Variants in RSRC1 observed in about 807,000 individuals in gnomAD.
RSRC1 encodes the protein serine/Arginine-related protein 53.
A neutral mutation model predicts 49.1 loss-of-function variants in RSRC1; 39 were observed. That is an observed-to-expected ratio of 0.79 (90% CI 0.61 to 1.04). RSRC1 has a LOEUF of 1.04. Ranked by LOEUF, RSRC1 falls within the 50% of genes least tolerant of loss-of-function variation. The pLI, the probability that RSRC1 is intolerant of heterozygous loss-of-function variation, is 0.00. For missense variants in RSRC1, 388 were observed against 402.4 expected, an observed-to-expected ratio of 0.96 and a Z score of 0.31; for synonymous variants, 143 against 130.8, an observed-to-expected ratio of 1.09 and a Z score of -0.63.
chr3:158,339,673 G>A (rs1160818275), intron 5 of RSRC1, among the ~76,000 whole-genome samples: 1 of 152,160 alleles, frequency 6.6e-6, no homozygotes, highest in African/African-American at 2.4e-5. Flanking sequence ...AAGTTTACAA[G>A]GAAGTTTATC....
intron 4 of RSRC1, among the ~76,000 whole-genome samples, chr3:158,247,377 A>G (rs891585943): frequency 1.3e-5 from 2 of 152,162 alleles, no homozygotes; most frequent in Non-Finnish European, 2.9e-5. Flanking sequence ...TATTTCAGGC[A>G]TCTTAGCCTC....
chr3:158,405,846 T>C (rs907541460), intron 6 of RSRC1, among the ~76,000 whole-genome samples: 1 of 152,120 alleles, frequency 6.6e-6, no homozygotes, highest in African/African-American at 2.4e-5. Flanking sequence ...AAATGAATCA[T>C]TGTATCTGGT....
At chr3:158,405,686 A>G (rs1489098863) in intron 6 of RSRC1, among the ~76,000 whole-genome samples, 6 of 152,136 alleles carry the variant, frequency 3.9e-5, no homozygotes, top group African/African-American at 1.2e-4. Flanking sequence ...TAGCCTTTTC[A>G]TAGATGAGCT....
At position 158,134,058 on chromosome 3, in the gene RSRC1, GA is replaced by G. The variant is rs1347527319; in HGVS notation, c.320+10071del. ...CATGCATGATATTGAATATGAGAAA[GA>G]AAATGGCCCTGGAGTATGGATATTA... On this transcript the variant is annotated intron_variant, in intron 3 of 9. Transcript: ENST00000611884. 2.6e-5 allele frequency among the ~76,000 whole-genome samples: 4 copies of G among 152,148 alleles called. No homozygotes were observed. In the South Asian group the frequency reaches 8.3e-4, roughly 32 times the overall value.
chr3:158,322,697 C>G (rs1728832300), intron 5 of RSRC1, among the ~76,000 whole-genome samples: 1 of 152,118 alleles, frequency 6.6e-6, no homozygotes, highest in African/African-American at 2.4e-5. Context: ...TGCCCCTTCT[C>G]ACTTCCTCTC....
At chr3:158,304,253 G>A (rs1727724152) in intron 5 of RSRC1, among the ~76,000 whole-genome samples, 3 of 152,044 alleles carry the variant, frequency 2.0e-5, no homozygotes. Flanking sequence ...TTGCTATTAG[G>A]TATTCATCAA....
intron 7 of RSRC1, among the ~76,000 whole-genome samples, chr3:158,508,079 CA>C (rs932481629): frequency 8.6e-5 from 13 of 150,456 alleles, no homozygotes; most frequent in African/African-American, 2.9e-4. Context: ...AGTCTGTCTA[CA>C]AAAAAAAATT....
intron 4 of RSRC1, among the ~76,000 whole-genome samples, chr3:158,265,396 C>T (rs1725112714): frequency 6.6e-6 from 1 of 151,966 alleles, no homozygotes; most frequent in Non-Finnish European, 1.5e-5. Flanking sequence ...TTTTGGAGGC[C>T]GAGGTGGGTG....
At chr3:158,144,709 C>T (rs187080331) in intron 3 of RSRC1, among the ~76,000 whole-genome samples, 1 of 152,184 alleles carries the variant, frequency 6.6e-6, no homozygotes, top group East Asian at 1.9e-4. Flanking sequence ...AGAATCGCCA[C>T]ACTGACTTCC....
At chr3:158,382,484 G>T (rs755188897) in intron 6 of RSRC1, among the ~76,000 whole-genome samples, 18 of 152,148 alleles carry the variant, frequency 1.2e-4, no homozygotes, top group Non-Finnish European at 2.2e-4. Context: ...ACATCATTAG[G>T]CCATAGGAAT....
chr3:158,468,809 T>C (rs545785559), intron 7 of RSRC1, among the ~76,000 whole-genome samples: 1 of 152,272 alleles, frequency 6.6e-6, no homozygotes, highest in Admixed American at 6.5e-5. Flanking sequence ...ATGAATTGCC[T>C]ACTGAAAAAA....
intron 7 of RSRC1, among the ~76,000 whole-genome samples, chr3:158,470,372 A>G (rs1436502863): frequency 6.7e-6 from 1 of 148,960 alleles, no homozygotes; most frequent in African/African-American, 2.6e-5. Flanking sequence ...ATATATATAT[A>G]TATATATAAA....
intron 7 of RSRC1, among the ~76,000 whole-genome samples, chr3:158,487,946 C>CAAAAAAAAA (rs1303656428): frequency 2.3e-3 from 26 of 11,480 alleles, no homozygotes; most frequent in Non-Finnish European, 3.0e-3. Flanking sequence ...GACTCCATCT[C>CAAAAAAAAA]AAGAAAAAAA....
intron 5 of RSRC1, among the ~76,000 whole-genome samples, chr3:158,320,876 T>C (rs1211051009): frequency 2.0e-5 from 3 of 152,152 alleles, no homozygotes; most frequent in Non-Finnish European, 4.4e-5. Context: ...TTAATTATCA[T>C]ATCAAAAGAC....
intron 7 of RSRC1, among the ~76,000 whole-genome samples, chr3:158,468,901 T>A: frequency 6.6e-6 from 1 of 152,158 alleles, no homozygotes; most frequent in East Asian, 1.9e-4. Flanking sequence ...TTCACTAAGA[T>A]TTATTCTGAT....
intron 4 of RSRC1, among the ~76,000 whole-genome samples, chr3:158,206,793 A>G (rs1201684889): frequency 6.6e-6 from 1 of 152,130 alleles, no homozygotes; most frequent in Admixed American, 6.6e-5. Flanking sequence ...GCGTGCCTGT[A>G]ATCCCAGCTA....
intron 4 of RSRC1, among the ~76,000 whole-genome samples, chr3:158,277,777 A>G (rs746070309): frequency 1.3e-5 from 2 of 152,058 alleles, no homozygotes; most frequent in Admixed American, 6.6e-5. Context: ...ATTAAAATTT[A>G]TTTTTATTTA....
intron 7 of RSRC1, among the ~76,000 whole-genome samples, chr3:158,462,630 CTT>C (rs1351971984): frequency 6.6e-6 from 1 of 151,766 alleles, no homozygotes; most frequent in African/African-American, 2.4e-5. Flanking sequence ...GCAAAAGAAA[CTT>C]TTTTAATACT....
At chr3:158,504,836 A>G (rs1166235602) in intron 7 of RSRC1, among the ~76,000 whole-genome samples, 1 of 152,240 alleles carries the variant, frequency 6.6e-6, no homozygotes, top group South Asian at 2.1e-4. Context: ...AACCTTTTAA[A>G]GTCTATGAGA....
Sources: allele counts gnomAD v4.1 joint callset (sites outside exome capture counted in the v4.1 genomes callset), GRCh38; gene constraint gnomAD v4.1.1; transcripts MANE v1.5; gene names NCBI Gene and HGNC (gene_info 2026-07-23, HGNC 2026-07-21).